The following TRAF3 variants were observed in gnomAD, a reference collection of about 807,000 sequenced individuals.
The protein encoded by TRAF3 is TNF receptor-associated factor 3.
Under a neutral mutation model 62.3 loss-of-function variants are expected in TRAF3, and 13 were observed. That is an observed-to-expected ratio of 0.21 (90% CI 0.14 to 0.33). TRAF3 has a LOEUF of 0.33. TRAF3 is among the 10% of genes least tolerant of loss of function. TRAF3 has a pLI of 1.00. For missense variants in TRAF3, 440 were observed against 741.8 expected, an observed-to-expected ratio of 0.59 and a Z score of 4.73; for synonymous variants, 269 against 283.4, an observed-to-expected ratio of 0.95 and a Z score of 0.51.
At position 102,903,001 on chromosome 14, in the gene TRAF3, A is replaced by G; in HGVS notation, c.961-254A>G. ...TTGACAAAGCAAGCTGACTTAGTGG[A>G]GCCTCCTGTTGTTTTCTTCCATGTG... On this transcript the variant is annotated intron_variant, in intron 10 of 11. Coordinates refer to ENST00000392745, the MANE Select transcript of TRAF3 (RefSeq NM_145725.3). The surrounding 1 kb of genome is among the most constrained non-coding windows in gnomAD (Gnocchi z 6.4). 2 of 545,162 alleles carry G rather than the reference A, an allele frequency of 3.7e-6. No homozygotes were observed. 33.8% of individuals were successfully genotyped at this position (545,162 alleles called of 1,614,324 possible).
At chr14:102,871,779 C>T in intron 3 of TRAF3, 138 bp from the exon 4 acceptor site, 1 of 769,420 alleles carries the variant, frequency 1.3e-6, no homozygotes, top group Non-Finnish European at 2.3e-6. Flanking sequence ...AAGTGAATCA[C>T]CAGGGCGTCC....
rs761111685 is a variant in TRAF3, at chr14:102,872,003, T to C, written c.297+35T>C. ...GGTTTTTTTTAATCATTTTGTCACA[T>C]GTTTTCAGCTGGGTAATACTTTTCA... On this transcript the variant is annotated intron_variant, in intron 4 of 11. Coordinates refer to ENST00000392745, the MANE Select transcript of TRAF3 (RefSeq NM_145725.3). 7 of 1,599,996 alleles carry C rather than the reference T, an allele frequency of 4.4e-6. No individual in the cohort carries two copies. In the East Asian group the frequency reaches 8.9e-5, roughly 20 times the overall value.
intron 1 of TRAF3, among the ~76,000 whole-genome samples, chr14:102,821,062 G>A (rs1424517848): frequency 1.3e-5 from 2 of 152,084 alleles, no homozygotes; most frequent in African/African-American, 4.8e-5. Flanking sequence ...ACTTTAAAAG[G>A]ATGTAGGGTG....
intron 6 of TRAF3, among the ~76,000 whole-genome samples, chr14:102,879,506 A>G (rs974174062): frequency 1.1e-4 from 17 of 151,758 alleles, no homozygotes; most frequent in African/African-American, 4.1e-4. Flanking sequence ...CCATCTGCCC[A>G]CCTCAGCCTC....
intron 2 of TRAF3, among the ~76,000 whole-genome samples, chr14:102,868,094 C>CA (rs1328685435): frequency 9.2e-5 from 14 of 152,170 alleles, no homozygotes; most frequent in Admixed American, 9.2e-4. Context: ...CCCAGGAGCT[C>CA]AGGGGTGGAA....
At chr14:102,801,909 A>C (rs1372642464) in intron 1 of TRAF3, among the ~76,000 whole-genome samples, 2 of 149,972 alleles carry the variant, frequency 1.3e-5, no homozygotes, top group African/African-American at 4.9e-5. Flanking sequence ...CCAGCTACTC[A>C]GGAGGCTGAG....
rs137916856 is a variant in TRAF3 at position 102,876,517 on chromosome 14, G to T, written c.562G>T (p.Ala188Ser). ...SHCKSQVPMI[A>S]LQKHEDTDCP... Reference sequence around the variant, plus strand: ...CTGCAAGAGTCAGGTTCCGATGATCGCGCTGCAGGTGCGGGTCCTCCCATT... The same window carrying T: ...CTGCAAGAGTCAGGTTCCGATGATCTCGCTGCAGGTGCGGGTCCTCCCATT... Residue 188 changes from alanine (A) to serine (S), a missense_variant, in exon 6 of 12, where the codon GCG becomes TCG. Coordinates refer to ENST00000392745, the MANE Select transcript of TRAF3 (RefSeq NM_145725.3). 3 of 1,613,450 alleles carry T rather than the reference G, an allele frequency of 1.9e-6. No individual in the cohort carries two copies. Among genetic ancestry groups the T allele is most frequent in the East Asian group, 2.2e-5 (1 of 44,896 alleles).
chr14:102,793,844 A>G (rs960530035), intron 1 of TRAF3, among the ~76,000 whole-genome samples: 15 of 152,236 alleles, frequency 9.9e-5, no homozygotes, highest in African/African-American at 3.4e-4. Flanking sequence ...CAGTGATTTA[A>G]AACAGTAATC....
At chr14:102,781,664 T>A (rs1897277828) in intron 1 of TRAF3, among the ~76,000 whole-genome samples, 1 of 152,140 alleles carries the variant, frequency 6.6e-6, no homozygotes. Context: ...GCTCACTCTG[T>A]TGCCCACGCT....
chr14:102,870,134 G>C, intron 2 of TRAF3, 51 bp from the exon 3 acceptor site: 1 of 1,613,132 alleles, frequency 6.2e-7, no homozygotes, highest in Non-Finnish European at 8.5e-7. Context: ...AGCTGTGTTT[G>C]TTTCCTTGCA....
intron 2 of TRAF3, among the ~76,000 whole-genome samples, chr14:102,840,683 C>G (rs1001889067): frequency 7.9e-5 from 12 of 152,104 alleles, no homozygotes; most frequent in Admixed American, 7.2e-4. Context: ...TTGATTTTAT[C>G]TCTATTACTG....
At chr14:102,901,248 G>T (rs1302506755) in intron 10 of TRAF3, among the ~76,000 whole-genome samples, 1 of 152,116 alleles carries the variant, frequency 6.6e-6, no homozygotes, top group Non-Finnish European at 1.5e-5. Context: ...GCGGGGAGGG[G>T]TGGCTCGGTG....
intron 1 of TRAF3, among the ~76,000 whole-genome samples, chr14:102,796,612 C>G (rs1041512788): frequency 6.6e-6 from 1 of 152,144 alleles, no homozygotes; most frequent in African/African-American, 2.4e-5. Context: ...CGATTGTTGT[C>G]AGGTTGTGAG....
At chr14:102,895,127 G>A (rs982275159) in intron 9 of TRAF3, 3 of 455,726 alleles carry the variant, frequency 6.6e-6, no homozygotes, top group Non-Finnish European at 1.3e-5. Flanking sequence ...AGATGGAAAT[G>A]AATGAATTGT....
At position 102,820,592 on chromosome 14, in the gene TRAF3, ATATATATATATATATATATATATTTTTTT is replaced by A. The variant is rs1299842454; in HGVS notation, c.-156-9740_-156-9712del. The stretch of plus-strand genomic sequence containing the variant: ...GACCAGCATATATATATATATATAT[ATATATATATATATATATATATATTTTTTT>A]TTTTTTTTTTTTTTTTTTTTTTTTG... On this transcript the variant is annotated intron_variant, in intron 1 of 11. Coordinates refer to ENST00000392745, the MANE Select transcript of TRAF3 (RefSeq NM_145725.3). Among the ~76,000 whole-genome samples the A allele has an allele frequency of 3.9e-3, 21 of 5,344 alleles. 1 individual carries two copies. Among genetic ancestry groups the A allele is most frequent in the African/African-American group, 0.019 (20 of 1,048 alleles). The allele number at this position is 5,344 out of a possible 152,430, so 3.5% of individuals were successfully genotyped here.
At chr14:102,824,484 T>G (rs1900177032) in intron 1 of TRAF3, among the ~76,000 whole-genome samples, 1 of 152,270 alleles carries the variant, frequency 6.6e-6, no homozygotes, top group Admixed American at 6.5e-5. Flanking sequence ...CAGTGGCACC[T>G]AGAGTGAATA....
chr14:102,863,137 C>CT (rs1887778653), intron 2 of TRAF3, among the ~76,000 whole-genome samples: 1 of 152,006 alleles, frequency 6.6e-6, no homozygotes, highest in Non-Finnish European at 1.5e-5. Context: ...TGTTAGTTGC[C>CT]TTTTTTCTGC....
At chr14:102,786,909 G>A (rs954621312) in intron 1 of TRAF3, among the ~76,000 whole-genome samples, 30 of 152,186 alleles carry the variant, frequency 2.0e-4, no homozygotes, top group African/African-American at 6.8e-4. Context: ...CGGGAGGAGT[G>A]CTTGAGCCCA....
rs1165566890 is a variant in TRAF3, at chr14:102,909,966, G to A, written c.*4182G>A. The A allele has an allele frequency of 6.6e-6, 1 of 152,252 alleles. No homozygotes were observed. Among genetic ancestry groups the A allele is most frequent in the Non-Finnish European group, 1.5e-5 (1 of 68,072 alleles). The allele number at this position is 152,252 out of a possible 1,614,324, so 9.4% of individuals were successfully genotyped here. A position where few individuals can be genotyped will look rare whatever the true frequency, so the allele number is the denominator to read the frequency against. On this transcript the variant is annotated 3_prime_UTR_variant, in exon 12 of 12. Coordinates refer to ENST00000392745, the MANE Select transcript of TRAF3 (RefSeq NM_145725.3). ...TAAACGACCATTCTGTCCGCAGCGGGGTCATTCCTTGTCAGCCCAAGGGAG... is the reference window on the plus strand; with the variant it reads ...TAAACGACCATTCTGTCCGCAGCGGAGTCATTCCTTGTCAGCCCAAGGGAG...
Sources: allele counts gnomAD v4.1 joint callset (sites outside exome capture counted in the v4.1 genomes callset), GRCh38; gene constraint gnomAD v4.1.1; non-coding constraint Gnocchi (gnomAD v3.1); transcripts MANE v1.5; gene names NCBI Gene and HGNC (gene_info 2026-07-23, HGNC 2026-07-21).